The following AGAP1 variants were observed in gnomAD, a reference collection of about 807,000 sequenced individuals.
AGAP1 encodes ArfGAP with GTPase domain, ankyrin repeat and PH domain 1.
A neutral mutation model predicts 105.3 loss-of-function variants in AGAP1; 29 were observed. The observed-to-expected ratio is 0.28, with a 90% confidence interval of 0.21 to 0.38. The LOEUF (loss-of-function observed/expected upper bound fraction) is 0.38. AGAP1 is among the 10% of genes least tolerant of loss of function. The pLI is 1.00. For missense variants in AGAP1, 998 were observed against 1,165.1 expected (o/e 0.86, Z 2.09); for synonymous variants, 509 against 485.9 (o/e 1.05, Z -0.63).
Position 235,753,380 on chromosome 2 carries a change from C to T in AGAP1, c.673+2892C>T, listed in dbSNP as rs994926164. On this transcript the variant is annotated intron_variant, in intron 6 of 17. Coordinates refer to ENST00000304032, the MANE Select transcript of AGAP1 (RefSeq NM_001037131.3). This position sits in a 1 kb window ranked among gnomAD's most constrained non-coding sequence, Gnocchi z 4.5. ...GCACAGGAGATTTCCGTTCCAGTTTCGTATTATAGAAATAATACACTCTCA... is the reference window on the plus strand; with the variant it reads ...GCACAGGAGATTTCCGTTCCAGTTTTGTATTATAGAAATAATACACTCTCA... Among the ~76,000 whole-genome samples, 29 of 152,252 alleles carry T rather than the reference C, an allele frequency of 1.9e-4. No homozygotes were observed. The highest frequency in any genetic ancestry group is 6.8e-3 in the Middle Eastern group (2 of 294).
intron 14 of AGAP1, among the ~76,000 whole-genome samples, chr2:236,039,633 C>T (rs1270937199): frequency 2.0e-5 from 3 of 152,186 alleles, no homozygotes; most frequent in Non-Finnish European, 4.4e-5. Context: ...ATAAGTAGGT[C>T]TTCACTAAGT....
intron 1 of AGAP1, among the ~76,000 whole-genome samples, chr2:235,514,472 C>T (rs182424878): frequency 2.4e-4 from 36 of 152,360 alleles, no homozygotes; most frequent in South Asian, 1.7e-3. Flanking sequence ...CCACCTGTGG[C>T]ACCTTCGCTG....
At chr2:235,998,273 T>C (rs2125493365) in intron 13 of AGAP1, among the ~76,000 whole-genome samples, 1 of 152,262 alleles carries the variant, frequency 6.6e-6, no homozygotes, top group Admixed American at 6.5e-5. Context: ...AAAAACATTT[T>C]GTATTAGTGT....
rs140013745 is a variant in AGAP1, at chr2:235,737,701, C to T, written c.311-3262C>T. Reference sequence around the variant, plus strand: ...GGGAGGGTCATCTGCCAGGGCGTCACGGTCATTCCACGAGAGCTGGGTGGT... The same window carrying T: ...GGGAGGGTCATCTGCCAGGGCGTCATGGTCATTCCACGAGAGCTGGGTGGT... On this transcript the variant is annotated intron_variant, in intron 3 of 17. Coordinates refer to ENST00000304032, the MANE Select transcript of AGAP1 (RefSeq NM_001037131.3). This position sits in a 1 kb window ranked among gnomAD's most constrained non-coding sequence, Gnocchi z 4.5. Among the ~76,000 whole-genome samples the T allele has an allele frequency of 3.3e-5, 5 of 152,238 alleles. No individual in the cohort carries two copies. Among genetic ancestry groups the T allele is most frequent in the South Asian group, 2.1e-4 (1 of 4,828 alleles).
chr2:236,001,859 A>G lies in AGAP1; in HGVS notation c.1645+33236A>G, dbSNP rs1322292502. ...GTTATGCCAGCCCCTCTCGTTGGGC[A>G]TTGAAATTGCCTCAGCAGTTTTTTT... On this transcript the variant is annotated intron_variant, in intron 13 of 17. Transcript: ENST00000304032. The surrounding 1 kb of genome is among the most constrained non-coding windows in gnomAD (Gnocchi z 4.7). 6.6e-6 allele frequency among the ~76,000 whole-genome samples: 1 copy of G among 152,228 alleles called. No homozygotes were observed. Among genetic ancestry groups the G allele is most frequent in the Non-Finnish European group, 1.5e-5 (1 of 68,044 alleles).
rs1256535886 is a variant in AGAP1 at position 236,128,551 on chromosome 2, GT to G, written c.*4430del. The G allele has an allele frequency of 6.6e-6, 1 of 152,282 alleles. No individual in the cohort carries two copies. The highest frequency in any genetic ancestry group is 1.5e-5 in the Non-Finnish European group (1 of 68,138). The allele number at this position is 152,282 out of a possible 1,614,324, so 9.4% of individuals were successfully genotyped here. A position where few individuals can be genotyped will look rare whatever the true frequency, so the allele number is the denominator to read the frequency against. ...CATCCTCGGGTTCCCAGCGTGTTTT[GT>G]GCTTGAACTTGGTGGACTCATCTTA... On this transcript the variant is annotated 3_prime_UTR_variant, in exon 18 of 18. Coordinates refer to ENST00000304032, the MANE Select transcript of AGAP1 (RefSeq NM_001037131.3). The surrounding 1 kb of genome is among the most constrained non-coding windows in gnomAD (Gnocchi z 5.9).
chr2:235,897,344 C>A (rs896037733), intron 10 of AGAP1, among the ~76,000 whole-genome samples: 4 of 152,184 alleles, frequency 2.6e-5, no homozygotes, highest in Admixed American at 1.3e-4. Flanking sequence ...CTGACCAAGT[C>A]CTCATGTTTC....
rs1575202630 is a variant in AGAP1 at position 235,712,871 on chromosome 2, C to T, written c.222+3634C>T. On this transcript the variant is annotated intron_variant, in intron 2 of 17. Transcript: ENST00000304032. This position sits in a 1 kb window ranked among gnomAD's most constrained non-coding sequence, Gnocchi z 6.0. ...GTCGCTCCGACAGCTTCACGGGTGG[C>T]GTGACACACTTGAAACGGCATTTTG... 1.3e-5 allele frequency among the ~76,000 whole-genome samples: 2 copies of T among 152,218 alleles called. No individual in the cohort carries two copies. Among genetic ancestry groups the T allele is most frequent in the Admixed American group, 6.5e-5 (1 of 15,286 alleles).
In AGAP1 at chr2:236,109,412, AATT is replaced by A. The variant is rs1001504931; in HGVS notation, c.2115-10774_2115-10772del. Reference sequence around the variant, plus strand: ...TCCATGAATTATTATTCATCTTTGTAATTATTATAAATATTTATAATAATAAAT... The same window carrying A: ...TCCATGAATTATTATTCATCTTTGTAATTATAAATATTTATAATAATAAAT... On this transcript the variant is annotated intron_variant, in intron 16 of 17. Transcript: ENST00000304032. The surrounding 1 kb of genome is among the most constrained non-coding windows in gnomAD (Gnocchi z 5.4). Among the ~76,000 whole-genome samples, 8 of 152,044 alleles carry A rather than the reference AATT, an allele frequency of 5.3e-5. No individual in the cohort carries two copies. The highest frequency in any genetic ancestry group is 1.9e-4 in the African/African-American group (8 of 41,382).
At chr2:235,942,027 C>G (rs1464304715) in intron 12 of AGAP1, among the ~76,000 whole-genome samples, 1 of 152,190 alleles carries the variant, frequency 6.6e-6, no homozygotes, top group African/African-American at 2.4e-5. Flanking sequence ...TCCCTGCACT[C>G]CTCTTGAAAT....
intron 1 of AGAP1, among the ~76,000 whole-genome samples, chr2:235,707,854 G>A (rs1263686536): frequency 2.7e-5 from 4 of 150,648 alleles, no homozygotes; most frequent in Admixed American, 1.3e-4. Context: ...CCCAGTGTGT[G>A]ACATGGTAGG....
At chr2:235,820,161 A>G (rs1195053296) in intron 9 of AGAP1, among the ~76,000 whole-genome samples, 3 of 152,206 alleles carry the variant, frequency 2.0e-5, no homozygotes, top group South Asian at 2.1e-4. Context: ...CGGCCTCCCA[A>G]AGTACTGGGA....
chr2:235,505,496 TG>T (rs1941760360), intron 1 of AGAP1, among the ~76,000 whole-genome samples: 1 of 152,186 alleles, frequency 6.6e-6, no homozygotes, highest in Admixed American at 6.5e-5. Flanking sequence ...GTAGGGGAAG[TG>T]GCTAATGTGA....
chr2:235,709,350 ACT>A, intron 2 of AGAP1, 113 bp downstream of exon 2: 1 of 1,239,888 alleles, frequency 8.1e-7, no homozygotes, highest in East Asian at 2.3e-5. Context: ...TGGAAGTGTG[ACT>A]CTGGGTGTGT....
At position 235,821,382 on chromosome 2, in the gene AGAP1, A is replaced by ATTTTTTTTTT. The variant is rs200107062; in HGVS notation, c.1050+14061_1050+14070dup. ...GGGGTAGGTTTAAAGCAGAACTTCA[A>ATTTTTTTTTT]TTTTTTTTTTTTTTTTTTTGAGACG... is the stretch of plus-strand genomic sequence containing the variant. On this transcript the variant is annotated intron_variant, in intron 9 of 17. Transcript: ENST00000304032. 3.1e-3 allele frequency among the ~76,000 whole-genome samples: 418 copies of ATTTTTTTTTT among 133,730 alleles called. 4 individuals carry two copies. Among genetic ancestry groups the ATTTTTTTTTT allele is most frequent in the African/African-American group, 0.011 (399 of 35,656 alleles). 87.7% of individuals were successfully genotyped at this position (133,730 alleles called of 152,430 possible). A position where few individuals can be genotyped will look rare whatever the true frequency, so the allele number is the denominator to read the frequency against.
chr2:235,516,733 G>C (rs955548945), intron 1 of AGAP1, among the ~76,000 whole-genome samples: 10 of 152,162 alleles, frequency 6.6e-5, no homozygotes, highest in African/African-American at 2.2e-4. Context: ...GTGCATGCGG[G>C]TCCACTCAGC....
Position 235,888,027 on chromosome 2 carries a change from C to T in AGAP1, c.1155+4578C>T, listed in dbSNP as rs866715626. On this transcript the variant is annotated intron_variant, in intron 10 of 17. Transcript: ENST00000304032. The surrounding 1 kb of genome is among the most constrained non-coding windows in gnomAD (Gnocchi z 4.8). ...ATTTATCTTCTGTCCACGTGTGTGC[C>T]GCTCACAGTCCACGTAAGGCTGCGC... is the stretch of plus-strand genomic sequence containing the variant. Among the ~76,000 whole-genome samples, 2 of 152,154 alleles carry T rather than the reference C, an allele frequency of 1.3e-5. No individual in the cohort carries two copies. The highest frequency in any genetic ancestry group is 6.5e-5 in the Admixed American group (1 of 15,280).
At chr2:235,968,683 T>C in intron 13 of AGAP1, 60 bp downstream of exon 13, 1 of 1,521,558 alleles carries the variant, frequency 6.6e-7, no homozygotes, top group Non-Finnish European at 9.0e-7. Context: ...TCTGTTATTT[T>C]TCAAATGCGT....
At chr2:235,645,558 C>T (rs1479904674) in intron 1 of AGAP1, among the ~76,000 whole-genome samples, 3 of 152,124 alleles carry the variant, frequency 2.0e-5, no homozygotes, top group East Asian at 1.9e-4. Flanking sequence ...CATCCAGGGC[C>T]ACCGTGAAAG....
Sources: allele counts gnomAD v4.1 joint callset (sites outside exome capture counted in the v4.1 genomes callset), GRCh38; gene constraint gnomAD v4.1.1; non-coding constraint Gnocchi (gnomAD v3.1); transcripts MANE v1.5; gene names NCBI Gene and HGNC (gene_info 2026-07-23, HGNC 2026-07-21).